FAM83B: variants seen among roughly 807,000 people sequenced by gnomAD.
FAM83B encodes the protein protein FAM83B.
Under a neutral mutation model 38.8 loss-of-function variants are expected in FAM83B, and 26 were observed. The observed-to-expected ratio is 0.67, with a 90% CI of 0.49 to 0.93. The LOEUF (loss-of-function observed/expected upper bound fraction) is 0.93. Ranked by LOEUF, FAM83B falls within the 40% of genes least tolerant of loss-of-function variation. The probability of loss-of-function intolerance (pLI) is 0.00; values close to 1 mark genes in which losing one functional copy is unlikely to be tolerated. For synonymous variants in FAM83B, 419 were observed against 423.1 expected (o/e 0.99, Z 0.12); for missense variants, 1,237 against 1,197.3 (o/e 1.03, Z -0.49).
At chr6:54,893,008 T>C (rs1581906093) in intron 2 of FAM83B, among the ~76,000 whole-genome samples, 1 of 152,058 alleles carries the variant, frequency 6.6e-6, no homozygotes, top group Non-Finnish European at 1.5e-5. Context: ...ATAGAGGCTG[T>C]TGGGGTGAGG....
chr6:54,927,491 T>C lies in FAM83B; in HGVS notation c.610-17T>C, dbSNP rs774879046. ...TCCTAGCCATAATGTCTGCTTTTTA[T>C]TTACATATAATTCTAGAATATTCGA... On this transcript the variant is annotated splice_polypyrimidine_tract_variant and intron_variant, in intron 3 of 4. Transcript: ENST00000306858. 5 of 1,552,790 alleles carry C rather than the reference T, an allele frequency of 3.2e-6. No homozygotes were observed. The highest frequency in any genetic ancestry group is 2.6e-5 in the South Asian group (2 of 78,106).
At chr6:54,919,706 T>A (rs1231276454) in intron 2 of FAM83B, among the ~76,000 whole-genome samples, 1 of 152,076 alleles carries the variant, frequency 6.6e-6, no homozygotes, top group Non-Finnish European at 1.5e-5. Flanking sequence ...ATGTCTAGTG[T>A]GACTCAGTTC....
chr6:54,858,008 T>G (rs953399364), intron 1 of FAM83B, among the ~76,000 whole-genome samples: 2 of 152,012 alleles, frequency 1.3e-5, no homozygotes, highest in Non-Finnish European at 2.9e-5. Context: ...AGGGAAGAGG[T>G]CCACAAACCA....
chr6:54,871,798 A>G (rs1191409112), intron 2 of FAM83B, among the ~76,000 whole-genome samples: 1 of 149,488 alleles, frequency 6.7e-6, no homozygotes, highest in Non-Finnish European at 1.5e-5. Context: ...ACAATTTTTA[A>G]TTATAAAGTG....
At chr6:54,934,962 T>C (rs1773497453) in intron 4 of FAM83B, among the ~76,000 whole-genome samples, 1 of 152,176 alleles carries the variant, frequency 6.6e-6, no homozygotes, top group Non-Finnish European at 1.5e-5. Flanking sequence ...TCCATCAGAT[T>C]TCTCTGTTCT....
chr6:54,851,113 A>G (rs1771267574), intron 1 of FAM83B, among the ~76,000 whole-genome samples: 1 of 150,834 alleles, frequency 6.6e-6, no homozygotes, highest in Admixed American at 6.6e-5. Context: ...AGTTGTTTTT[A>G]GAGTAAGTAA....
At chr6:54,880,369 G>A (rs1772101627) in intron 2 of FAM83B, among the ~76,000 whole-genome samples, 1 of 150,358 alleles carries the variant, frequency 6.7e-6, no homozygotes, top group Non-Finnish European at 1.5e-5. Flanking sequence ...ATATGATACA[G>A]ATAAAATACC....
intron 2 of FAM83B, among the ~76,000 whole-genome samples, chr6:54,892,815 C>G (rs907508450): frequency 6.6e-6 from 1 of 151,938 alleles, no homozygotes; most frequent in African/African-American, 2.4e-5. Flanking sequence ...AAAGGTGGAG[C>G]CAATTGTCTC....
intron 2 of FAM83B, among the ~76,000 whole-genome samples, chr6:54,907,157 T>C (rs769797226): frequency 9.2e-5 from 14 of 152,214 alleles, no homozygotes; most frequent in Non-Finnish European, 2.1e-4. Flanking sequence ...ATAAAACAGA[T>C]GCTAGAAACG....
In FAM83B at chr6:54,939,799, C is replaced by G; in HGVS notation, c.828C>G (p.Leu276=). Residue 276 remains leucine, a synonymous_variant, in exon 5 of 5, where the codon CTC becomes CTG. Coordinates refer to ENST00000306858, the MANE Select transcript of FAM83B (RefSeq NM_001010872.3). ...VESFDEEFRT[L]YARSCVPSSF... ...CCTTTGATGAAGAATTTAGAACTCT[C>G]TATGCCAGATCCTGTGTCCCTAGTT... The G allele has an allele frequency of 6.2e-7, 1 of 1,613,952 alleles. No individual in the cohort carries two copies. Among genetic ancestry groups the G allele is most frequent in the East Asian group, 2.2e-5 (1 of 44,854 alleles).
intron 2 of FAM83B, among the ~76,000 whole-genome samples, chr6:54,920,713 C>T (rs1247099180): frequency 6.6e-6 from 1 of 151,788 alleles, no homozygotes; most frequent in African/African-American, 2.4e-5. Context: ...CTGGTTTCTA[C>T]CACACTTTTT....
At chr6:54,925,413 C>T (rs1773266332) in intron 2 of FAM83B, among the ~76,000 whole-genome samples, 1 of 152,088 alleles carries the variant, frequency 6.6e-6, no homozygotes, top group Non-Finnish European at 1.5e-5. Flanking sequence ...AATAAATATG[C>T]CTGGCACATA....
At chr6:54,929,523 GT>G (rs1773377598) in intron 4 of FAM83B, among the ~76,000 whole-genome samples, 1 of 152,138 alleles carries the variant, frequency 6.6e-6, no homozygotes, top group African/African-American at 2.4e-5. Flanking sequence ...ATTGATGAAT[GT>G]TTAATAAAGC....
chr6:54,910,343 C>A (rs1772876447), intron 2 of FAM83B, among the ~76,000 whole-genome samples: 1 of 152,212 alleles, frequency 6.6e-6, no homozygotes, highest in Non-Finnish European at 1.5e-5. Context: ...CACCTAGTTT[C>A]TAAATATCTC....
intron 1 of FAM83B, among the ~76,000 whole-genome samples, chr6:54,868,144 G>C (rs1370037361): frequency 6.6e-6 from 1 of 152,142 alleles, no homozygotes; most frequent in Non-Finnish European, 1.5e-5. Context: ...AGTGTTGAAA[G>C]TTATTAATTA....
intron 2 of FAM83B, among the ~76,000 whole-genome samples, chr6:54,890,651 C>G (rs1323335475): frequency 1.3e-5 from 2 of 151,976 alleles, no homozygotes; most frequent in Non-Finnish European, 2.9e-5. Flanking sequence ...ATTCCCTGCC[C>G]TCCCCTCATC....
chr6:54,939,433 T>C (rs1428693694), intron 4 of FAM83B, among the ~76,000 whole-genome samples: 1 of 152,164 alleles, frequency 6.6e-6, no homozygotes, highest in Non-Finnish European at 1.5e-5. Context: ...TTGCATTGAA[T>C]CTGCAGATTG....
intron 2 of FAM83B, among the ~76,000 whole-genome samples, chr6:54,875,772 GAGAC>G (rs1287433375): frequency 6.6e-6 from 1 of 151,954 alleles, no homozygotes; most frequent in Admixed American, 6.6e-5. Flanking sequence ...AGGTGGGAAA[GAGAC>G]AGGAGAGGAG....
At chr6:54,915,119 TA>T (rs201484145) in intron 2 of FAM83B, among the ~76,000 whole-genome samples, 176 of 144,400 alleles carry the variant, frequency 1.2e-3, no homozygotes, top group South Asian at 6.8e-3. Flanking sequence ...TTTCTATAGT[TA>T]AAAAAAAAAA....
Sources: allele counts gnomAD v4.1 joint callset (sites outside exome capture counted in the v4.1 genomes callset), GRCh38; gene constraint gnomAD v4.1.1; transcripts MANE v1.5; gene names NCBI Gene and HGNC (gene_info 2026-07-23, HGNC 2026-07-21).